Variants in C17orf58 observed in about 807,000 individuals in gnomAD.
The protein encoded by C17orf58 is chromosome 17 open reading frame 58.
A neutral mutation model predicts 7.4 loss-of-function variants in C17orf58; 5 were observed. That is an observed-to-expected ratio of 0.67 (90% CI 0.35 to 1.42). The LOEUF (loss-of-function observed/expected upper bound fraction) is 1.42, where lower values mean the gene tolerates loss of function less well. Among genes scored for constraint, C17orf58 ranks in the 40% most tolerant of loss-of-function variants. C17orf58 has a pLI of 0.04. For missense variants in C17orf58, 162 were observed against 174.2 expected (o/e 0.93, Z 0.40); for synonymous variants, 60 against 70.6 (o/e 0.85, Z 0.75).
At chr17:67,996,003 G>T (rs1172763839) in intron 1 of C17orf58, 120 bp downstream of exon 1, 1 of 397,786 alleles carries the variant, frequency 2.5e-6, no homozygotes, top group African/African-American at 2.1e-5. Flanking sequence ...CAGACCCGGG[G>T]TGTCCTCTCT....
chr17:67,991,739 T>C lies in C17orf58; in HGVS notation c.*174A>G, dbSNP rs570769787. 7.6e-6 allele frequency: 4 copies of C among 524,238 alleles called. No individual in the cohort carries two copies. Among genetic ancestry groups the C allele is most frequent in the Non-Finnish European group, 1.3e-5 (4 of 300,900 alleles). The allele number at this position is 524,238 out of a possible 1,614,324, so 32.5% of individuals were successfully genotyped here. ...TCAGGAGCAGCCCATTTAAGAAGCA[T>C]CTTGTAAATAACAAAGTGACACCTT... On this transcript the variant is annotated 3_prime_UTR_variant, in exon 4 of 4. Transcript: ENST00000580729.
Position 67,991,487 on chromosome 17 carries a change from G to T in C17orf58, c.*426C>A, listed in dbSNP as rs1555699243. 1 of 152,580 alleles carries T rather than the reference G, an allele frequency of 6.6e-6. No homozygotes were observed. The highest frequency in any genetic ancestry group is 2.4e-5 in the African/African-American group (1 of 41,438). The allele number at this position is 152,580 out of a possible 1,614,324, so 9.5% of individuals were successfully genotyped here. A position where few individuals can be genotyped will look rare whatever the true frequency, so the allele number is the denominator to read the frequency against. On this transcript the variant is annotated 3_prime_UTR_variant, in exon 4 of 4. Coordinates refer to ENST00000580729, the MANE Select transcript of C17orf58 (RefSeq NM_001382359.1). ...ACTAGTGCGCTTACTGTTATGTACA[G>T]AATTTAAAATGTGATCGTTTGAATA...
intron 1 of C17orf58, among the ~76,000 whole-genome samples, 195 bp from the exon 2 acceptor site, chr17:67,994,179 C>T (rs1213157896): frequency 6.6e-6 from 1 of 151,274 alleles, no homozygotes; most frequent in Non-Finnish European, 1.5e-5. Context: ...AAGAAGGGCT[C>T]TGGGAGGGGG....
chr17:67,993,215 C>T lies in C17orf58; in HGVS notation c.658G>A (p.Asp220Asn), dbSNP rs1199150718. 11 of 1,596,274 alleles carry T rather than the reference C, an allele frequency of 6.9e-6. No homozygotes were observed. Among genetic ancestry groups the T allele is most frequent in the Non-Finnish European group, 8.6e-6 (10 of 1,168,436 alleles). ...ATGCCCGCGCCCAGCACGTCCACAT[C>T]GTGCACGATCCCGTTCACCGCTGCT... ...SEFAVNGIVH[D>N]VDVLGAGIRL... is the part of the protein sequence containing the mutation. The change falls in exon 3 of 4, where the codon GAT becomes AAT. Residue 220 changes from aspartate to asparagine, a missense_variant. Physicochemically the swap from Asp to Asn is conservative, Grantham distance 23 (BLOSUM62 1). This residue lies in a region of C17orf58 where 93 missense variants were observed against 90.4 expected (regional missense o/e 1.03). Transcript: ENST00000580729. The surrounding 1 kb of genome is among the most constrained non-coding windows in gnomAD (Gnocchi z 5.1).
Position 67,993,105 on chromosome 17 carries a change from T to A in C17orf58, c.768A>T (p.Arg256=). 1 of 1,614,106 alleles carries A rather than the reference T, an allele frequency of 6.2e-7. No individual in the cohort carries two copies. The highest frequency in any genetic ancestry group is 8.5e-7 in the Non-Finnish European group (1 of 1,179,998). The change falls in exon 3 of 4, where the codon CGA becomes CGT. Residue 256 remains arginine, a synonymous_variant. Coordinates refer to ENST00000580729, the MANE Select transcript of C17orf58 (RefSeq NM_001382359.1). The surrounding 1 kb of genome is among the most constrained non-coding windows in gnomAD (Gnocchi z 5.1). Reference sequence around the variant, plus strand: ...AGGAGTCCAGGGCTAACATGTGGACTCGGAAGAAGAAGCCGTCGGGGGTGA... The same window carrying A: ...AGGAGTCCAGGGCTAACATGTGGACACGGAAGAAGAAGCCGTCGGGGGTGA... ...LYLTPDGFFF[R]VHMLALDSSS...
chr17:67,991,856 A>G lies in C17orf58; in HGVS notation c.*57T>C. On this transcript the variant is annotated 3_prime_UTR_variant, in exon 4 of 4. Transcript: ENST00000580729. ...CCCATTACATGAAGGTAGACCTTTC[A>G]TGTCTTGTTGCCGACGTCCAAGTCT... 6.8e-7 allele frequency: 1 copy of G among 1,462,494 alleles called. No homozygotes were observed. Among genetic ancestry groups the G allele is most frequent in the Non-Finnish European group, 9.3e-7 (1 of 1,074,220 alleles). 90.6% of individuals were successfully genotyped at this position (1,462,494 alleles called of 1,614,324 possible). A position where few individuals can be genotyped will look rare whatever the true frequency, so the allele number is the denominator to read the frequency against.
At chr17:67,994,139 G>A (rs1174820545) in intron 1 of C17orf58, among the ~76,000 whole-genome samples, 155 bp from the exon 2 acceptor site, 1 of 151,866 alleles carries the variant, frequency 6.6e-6, no homozygotes, top group Non-Finnish European at 1.5e-5. Context: ...AGGAGGGGAG[G>A]AGGCCGCTAG....
chr17:67,995,180 A>T (rs782762660), intron 1 of C17orf58, among the ~76,000 whole-genome samples: 2 of 152,244 alleles, frequency 1.3e-5, no homozygotes, highest in African/African-American at 2.4e-5. Context: ...CTTTAAAATC[A>T]GCTTTCACCC....
chr17:67,992,807 T>G lies in C17orf58; in HGVS notation c.829+237A>C, dbSNP rs1429730949. ...GTCCACCCCATTTGTCAACATCTAT[T>G]TATTGACAGCCCGCTTTGTGCCAAC... On this transcript the variant is annotated intron_variant, in intron 3 of 3. Coordinates refer to ENST00000580729, the MANE Select transcript of C17orf58 (RefSeq NM_001382359.1). 7.7e-6 allele frequency: 11 copies of G among 1,425,888 alleles called. No individual in the cohort carries two copies. In the Admixed American group the frequency reaches 1.1e-4, roughly 15 times the overall value. The allele number at this position is 1,425,888 out of a possible 1,614,324, so 88.3% of individuals were successfully genotyped here.
chr17:67,992,022 C>T lies in C17orf58; in HGVS notation c.911G>A (p.Arg304His), dbSNP rs782365271. 9.9e-6 allele frequency: 16 copies of T among 1,612,762 alleles called. No individual in the cohort carries two copies. The highest frequency in any genetic ancestry group is 1.7e-4 in the Middle Eastern group (1 of 5,964). The part of the protein sequence containing the change: ...PTALLQVLRG[R>H]LRPGDGLLRS... ...TAGCAGTCCATCCCCTGGACGGAGG[C>T]GGCCTCTCAGGACCTGGAGCAGAGC... The change falls in exon 4 of 4, where the codon CGC (arginine) becomes CAC (histidine). Residue 304 changes from arginine to histidine, a missense_variant. Coordinates refer to ENST00000580729, the MANE Select transcript of C17orf58 (RefSeq NM_001382359.1).
At chr17:67,995,192 G>T (rs1260456562) in intron 1 of C17orf58, among the ~76,000 whole-genome samples, 1 of 152,202 alleles carries the variant, frequency 6.6e-6, no homozygotes, top group African/African-American at 2.4e-5. Flanking sequence ...CTTTCACCCA[G>T]CAATAATAGC....
chr17:67,994,186 G>C (rs568757538), intron 1 of C17orf58, among the ~76,000 whole-genome samples: 23 of 151,836 alleles, frequency 1.5e-4, no homozygotes, highest in African/African-American at 5.3e-4. Flanking sequence ...GCTCTGGGAG[G>C]GGGAGAGGAG....
rs2148737634 is a variant in C17orf58, at chr17:67,993,893, G to T, written c.168C>A (p.Ala56=). ...CCTCGGCCGCGCGCGGCCGCTGCGGGGCCTCAAGGAGTGGCTGCGCGCGGG... is the reference window on the plus strand; with the variant it reads ...CCTCGGCCGCGCGCGGCCGCTGCGGTGCCTCAAGGAGTGGCTGCGCGCGGG... ...PGPRAQPLLE[A]PQRPRAAEVA... Residue 56 remains alanine (A), a synonymous_variant, in exon 2 of 4, where the codon GCC becomes GCA. Transcript: ENST00000580729. This position sits in a 1 kb window ranked among gnomAD's most constrained non-coding sequence, Gnocchi z 5.1. 1 of 384,886 alleles carries T rather than the reference G, an allele frequency of 2.6e-6. No homozygotes were observed. The highest frequency in any genetic ancestry group is 4.5e-5 in the Admixed American group (1 of 22,098). The allele number at this position is 384,886 out of a possible 1,614,324, so 23.8% of individuals were successfully genotyped here.
intron 1 of C17orf58, among the ~76,000 whole-genome samples, chr17:67,995,414 A>G (rs556873054): frequency 1.3e-5 from 2 of 152,230 alleles, no homozygotes; most frequent in Non-Finnish European, 2.9e-5. Context: ...AAGTCATTCA[A>G]TTTCCATGTG....
intron 1 of C17orf58, among the ~76,000 whole-genome samples, 181 bp from the exon 2 acceptor site, chr17:67,994,165 G>A (rs143922461): frequency 5.9e-5 from 9 of 151,966 alleles, no homozygotes; most frequent in South Asian, 4.2e-4. Flanking sequence ...CAGGGGCGCT[G>A]CAGAAGAAGG....
At chr17:67,992,182 C>T (rs540435386) in intron 3 of C17orf58, 79 bp from the exon 4 acceptor site, 23 of 1,217,638 alleles carry the variant, frequency 1.9e-5, no homozygotes, top group Non-Finnish European at 2.6e-5. Context: ...CTTTAAGAAA[C>T]GCCTAAGCTG....
At position 67,993,126 on chromosome 17, in the gene C17orf58, G is replaced by A. The variant is rs782761075; in HGVS notation, c.747C>T (p.Thr249=). The A allele has an allele frequency of 1.4e-5, 22 of 1,614,042 alleles. No individual in the cohort carries two copies. The South Asian group carries it at 2.2e-4, about 16-fold the overall frequency. Residue 249 remains threonine, a synonymous_variant, in exon 3 of 4, where the codon ACC becomes ACT. Transcript: ENST00000580729. This position sits in a 1 kb window ranked among gnomAD's most constrained non-coding sequence, Gnocchi z 5.1. ...GLYKMNRLYL[T]PDGFFFRVHM... is the part of the protein sequence containing the mutation. ...GGACTCGGAAGAAGAAGCCGTCGGG[G>A]GTGAGGTACAGGCGGTTCATCTTGT...
chr17:67,993,374 T>C lies in C17orf58; in HGVS notation c.637+50A>G. 1 of 608,510 alleles carries C rather than the reference T, an allele frequency of 1.6e-6. No individual in the cohort carries two copies. Among genetic ancestry groups the C allele is most frequent in the Non-Finnish European group, 2.9e-6 (1 of 349,656 alleles). 37.7% of individuals were successfully genotyped at this position (608,510 alleles called of 1,614,324 possible). On this transcript the variant is annotated intron_variant, in intron 2 of 3. Coordinates refer to ENST00000580729, the MANE Select transcript of C17orf58 (RefSeq NM_001382359.1). This position sits in a 1 kb window ranked among gnomAD's most constrained non-coding sequence, Gnocchi z 5.1. ...ATCTCGCGGGCGGATTCTCCGGGGC[T>C]CGGAAAGGCTCGCGGGGCGGCGGGG...
intron 1 of C17orf58, among the ~76,000 whole-genome samples, chr17:67,994,887 T>C (rs1197888244): frequency 6.6e-6 from 1 of 152,156 alleles, no homozygotes; most frequent in Non-Finnish European, 1.5e-5. Context: ...GAAAGACTCC[T>C]AAATGGTATG....
Sources: gnomAD v4.1 joint callset for allele counts (sites outside exome capture counted in the v4.1 genomes callset) on GRCh38, gnomAD v4.1.1 for gene constraint, gnomAD v4.1.1 regional missense constraint, Gnocchi (gnomAD v3.1) non-coding constraint, MANE v1.5 for transcripts, NCBI Gene and HGNC (gene_info 2026-07-23, HGNC 2026-07-21) for gene names.